Variants in HDHD2 observed in about 807,000 individuals in gnomAD.
HDHD2 encodes haloacid dehalogenase-like hydrolase domain-containing protein 2.
HDHD2 carries 26 observed loss-of-function variants against 24.8 expected under a neutral mutation model. The observed-to-expected ratio is 1.05, with a 90% CI of 0.77 to 1.45. The LOEUF is 1.45. Among genes scored for constraint, HDHD2 ranks in the 40% most tolerant of loss-of-function variants. The probability of loss-of-function intolerance (pLI) is 0.00; values close to 1 mark genes in which losing one functional copy is unlikely to be tolerated. For missense variants in HDHD2, 299 were observed against 313.4 expected, an observed-to-expected ratio of 0.95 and a Z score of 0.35; for synonymous variants, 128 against 114.9, an observed-to-expected ratio of 1.11 and a Z score of -0.73.
At chr18:47,113,906 T>C (rs764550657) in intron 5 of HDHD2, among the ~76,000 whole-genome samples, 36 of 151,940 alleles carry the variant, frequency 2.4e-4, no homozygotes, top group Admixed American at 7.9e-4. Flanking sequence ...GGAGAGGAGA[T>C]AGGGAGGTGG....
intron 1 of HDHD2, among the ~76,000 whole-genome samples, chr18:47,147,669 A>G (rs1020432450): frequency 6.6e-6 from 1 of 152,210 alleles, no homozygotes; most frequent in Non-Finnish European, 1.5e-5. Context: ...GAACTGTACT[A>G]TTTACTTGGA....
chr18:47,137,237 G>A, intron 1 of HDHD2: 1 of 597,988 alleles, frequency 1.7e-6, no homozygotes, highest in Non-Finnish European at 3.2e-6. Context: ...AGACATACCT[G>A]CACATTTGGA....
At chr18:47,116,673 T>C (rs2063560226) in intron 4 of HDHD2, among the ~76,000 whole-genome samples, 1 of 152,182 alleles carries the variant, frequency 6.6e-6, no homozygotes, top group African/African-American at 2.4e-5. Flanking sequence ...CTGTTGGCTT[T>C]AAAGACCTAG....
At chr18:47,118,512 A>G (rs757089094) in intron 4 of HDHD2, among the ~76,000 whole-genome samples, 12 of 152,172 alleles carry the variant, frequency 7.9e-5, no homozygotes, top group African/African-American at 2.7e-4. Context: ...GTTCTCACTT[A>G]TAAGTGGGAG....
At chr18:47,147,740 G>C (rs1227729582) in intron 1 of HDHD2, among the ~76,000 whole-genome samples, 1 of 152,060 alleles carries the variant, frequency 6.6e-6, no homozygotes, top group Non-Finnish European at 1.5e-5. Flanking sequence ...ATCCACACAG[G>C]CTTAATGTTA....
chr18:47,131,000 G>A (rs1411783266), intron 3 of HDHD2, among the ~76,000 whole-genome samples: 1 of 152,094 alleles, frequency 6.6e-6, no homozygotes, highest in African/African-American at 2.4e-5. Flanking sequence ...TTTTGAGACG[G>A]AGTTTTGCTC....
chr18:47,127,405 T>C (rs140458904), intron 4 of HDHD2, among the ~76,000 whole-genome samples: 4 of 152,336 alleles, frequency 2.6e-5, no homozygotes, highest in African/African-American at 9.6e-5. Flanking sequence ...TGCTAAAATG[T>C]TAACTGTCGT....
intron 1 of HDHD2, among the ~76,000 whole-genome samples, chr18:47,146,250 A>G (rs1359969881): frequency 2.7e-5 from 4 of 149,888 alleles, no homozygotes; most frequent in Non-Finnish European, 5.9e-5. Context: ...AAAAAAAAAG[A>G]GCAAATCTGA....
chr18:47,138,169 C>T (rs1489861921), intron 1 of HDHD2, among the ~76,000 whole-genome samples: 4 of 46,750 alleles, frequency 8.6e-5, no homozygotes, highest in South Asian at 1.1e-3. Context: ...GAGATTCTGT[C>T]GCAAAAAAAA....
rs2147453749 is a variant in HDHD2 at position 47,108,884 on chromosome 18, G to A, written c.677-99C>T. 1.2e-5 allele frequency: 8 copies of A among 688,546 alleles called. No homozygotes were observed. The East Asian group carries it at 2.0e-4, about 17-fold the overall frequency. 42.7% of individuals were successfully genotyped at this position (688,546 alleles called of 1,614,324 possible). ...GGGTCATCACAGCACCACCCTTACA[G>A]TTAAGACAGAATCAGGGGCTGCACA... On this transcript the variant is annotated intron_variant, in intron 6 of 6. Transcript: ENST00000300605.
intron 5 of HDHD2, among the ~76,000 whole-genome samples, chr18:47,114,425 C>A (rs1038371724): frequency 1.3e-5 from 2 of 152,170 alleles, no homozygotes; most frequent in African/African-American, 4.8e-5. Flanking sequence ...ACATTTGTGA[C>A]GATCCCTCCC....
intron 4 of HDHD2, among the ~76,000 whole-genome samples, chr18:47,129,348 C>A (rs186280568): frequency 1.6e-4 from 25 of 152,124 alleles, no homozygotes; most frequent in African/African-American, 5.5e-4. Context: ...TTTATAATAT[C>A]TTATATACTA....
chr18:47,128,073 T>C (rs2063677442), intron 4 of HDHD2, among the ~76,000 whole-genome samples: 1 of 152,152 alleles, frequency 6.6e-6, no homozygotes, highest in African/African-American at 2.4e-5. Context: ...AGACCTAAAA[T>C]CCTTCTGTTA....
chr18:47,120,187 G>C (rs1387269185), intron 4 of HDHD2, among the ~76,000 whole-genome samples: 1 of 152,172 alleles, frequency 6.6e-6, no homozygotes, highest in African/African-American at 2.4e-5. Flanking sequence ...CTCTAGCAAT[G>C]AAAGTCCTAG....
At chr18:47,137,215 A>G in intron 1 of HDHD2, 1 of 646,714 alleles carries the variant, frequency 1.5e-6, no homozygotes, top group East Asian at 3.2e-5. Flanking sequence ...ATGGGCAATC[A>G]ATCACTGAAA....
At chr18:47,114,979 C>T (rs554122161) in intron 5 of HDHD2, among the ~76,000 whole-genome samples, 153 bp downstream of exon 5, 2 of 152,160 alleles carry the variant, frequency 1.3e-5, no homozygotes, top group South Asian at 2.1e-4. Context: ...CACTAAACAT[C>T]GACAGGAAAC....
Position 47,136,384 on chromosome 18 carries a change from TGAA to T in HDHD2, c.53_55del (p.Leu18del). On this transcript the variant is annotated inframe_deletion, in exon 2 of 7. Coordinates refer to ENST00000300605, the MANE Select transcript of HDHD2 (RefSeq NM_032124.5). ...GCCTGGCACAGCTGCATCTTCAATG[TGAA>T]GTGTGCCACTGAGATCTACCAAAAC... 6.2e-7 allele frequency: 1 copy of T among 1,613,198 alleles called. No homozygotes were observed. Among genetic ancestry groups the T allele is most frequent in the Non-Finnish European group, 8.5e-7 (1 of 1,179,786 alleles).
intron 3 of HDHD2, among the ~76,000 whole-genome samples, chr18:47,131,775 A>G (rs2576031): frequency 0.41 from 61,863 of 150,276 alleles, 12,960 homozygotes; most frequent in Middle Eastern, 0.56. Context: ...TACTAATAAC[A>G]ATAAGACTCC....
rs72905444 is a variant in HDHD2, at chr18:47,107,943, C to T, written c.*739G>A. The T allele has an allele frequency of 0.012, 1,781 of 152,684 alleles. 20 individuals carry two copies. The highest frequency in any genetic ancestry group is 0.019 in the Non-Finnish European group (1,283 of 68,016). The allele number at this position is 152,684 out of a possible 1,614,324, so 9.5% of individuals were successfully genotyped here. On this transcript the variant is annotated 3_prime_UTR_variant, in exon 7 of 7. Coordinates refer to ENST00000300605, the MANE Select transcript of HDHD2 (RefSeq NM_032124.5). ...GTCTAATTAAAACATCTGTAAAATA[C>T]TGATAGTTTTAATTTTACATAAAAT...
Sources: gnomAD v4.1 joint callset for allele counts (sites outside exome capture counted in the v4.1 genomes callset) on GRCh38, gnomAD v4.1.1 for gene constraint, MANE v1.5 for transcripts, NCBI Gene and HGNC (gene_info 2026-07-23, HGNC 2026-07-21) for gene names.